AGAP1: variants seen among roughly 807,000 people sequenced by gnomAD.
AGAP1 encodes the protein arf-GAP with GTPase, ANK repeat and PH domain-containing protein 1.
Under a neutral mutation model 105.3 loss-of-function variants are expected in AGAP1, and 29 were observed. The ratio of observed to expected loss-of-function variants is 0.28; its 90% CI spans 0.21 to 0.38. The LOEUF is 0.38. AGAP1 is among the 10% of genes least tolerant of loss of function. The probability of loss-of-function intolerance (pLI) is 1.00; values close to 1 mark genes in which losing one functional copy is unlikely to be tolerated. For missense variants in AGAP1, 998 were observed against 1,165.1 expected (o/e 0.86, Z 2.09); for synonymous variants, 509 against 485.9 (o/e 1.05, Z -0.63).
In AGAP1 at chr2:236,000,771, C is replaced by T. The variant is rs535115564; in HGVS notation, c.1645+32148C>T. ...TAGAGATTGTGTTTGCAGTGAGGGC[C>T]ACTAAGGGGGGCGGAGAAGACCCCT... On this transcript the variant is annotated intron_variant, in intron 13 of 17. Transcript: ENST00000304032. This position sits in a 1 kb window ranked among gnomAD's most constrained non-coding sequence, Gnocchi z 4.3. 1.5e-4 allele frequency among the ~76,000 whole-genome samples: 23 copies of T among 152,266 alleles called. No homozygotes were observed. The highest frequency in any genetic ancestry group is 2.1e-4 in the South Asian group (1 of 4,820).
chr2:235,971,647 G>A lies in AGAP1; in HGVS notation c.1645+3024G>A, dbSNP rs1327110702. ...GGAGCTTGCAGTGAGCCGGGATGGCGCCACTGCGCTCCAGCCTGGGCGACA... is the reference window on the plus strand; with the variant it reads ...GGAGCTTGCAGTGAGCCGGGATGGCACCACTGCGCTCCAGCCTGGGCGACA... On this transcript the variant is annotated intron_variant, in intron 13 of 17. Coordinates refer to ENST00000304032, the MANE Select transcript of AGAP1 (RefSeq NM_001037131.3). This position sits in a 1 kb window ranked among gnomAD's most constrained non-coding sequence, Gnocchi z 4.8. 2.7e-5 allele frequency among the ~76,000 whole-genome samples: 4 copies of A among 150,862 alleles called. No individual in the cohort carries two copies. Among genetic ancestry groups the A allele is most frequent in the Admixed American group, 2.0e-4 (3 of 15,182 alleles).
In AGAP1 at chr2:235,605,315, G is replaced by T. The variant is rs536306735; in HGVS notation, c.164-103864G>T. 4.6e-5 allele frequency among the ~76,000 whole-genome samples: 7 copies of T among 152,324 alleles called. No individual in the cohort carries two copies. In the South Asian group the frequency reaches 1.5e-3, roughly 32 times the overall value. ...GCCCCTCATCTTCATTTATATTGTT[G>T]TTCTTAATTATCCCCATTTTACCGA... is the stretch of plus-strand genomic sequence containing the variant. On this transcript the variant is annotated intron_variant, in intron 1 of 17. Coordinates refer to ENST00000304032, the MANE Select transcript of AGAP1 (RefSeq NM_001037131.3).
chr2:235,984,680 C>T (rs903642523), intron 13 of AGAP1, among the ~76,000 whole-genome samples: 7 of 152,176 alleles, frequency 4.6e-5, no homozygotes, highest in Non-Finnish European at 7.4e-5. Context: ...TCAATTCCCA[C>T]TTATGAGTGA....
chr2:235,775,622 C>T (rs1955800861), intron 6 of AGAP1: 1 of 152,118 alleles, frequency 6.6e-6, no homozygotes, highest in South Asian at 2.1e-4. Flanking sequence ...TTCCTCCCAC[C>T]CCGCCCCGAG....
rs758294137 is a variant in AGAP1 at position 235,635,082 on chromosome 2, C to G, written c.164-74097C>G. 4.6e-5 allele frequency among the ~76,000 whole-genome samples: 7 copies of G among 152,136 alleles called. No individual in the cohort carries two copies. Among genetic ancestry groups the G allele is most frequent in the Non-Finnish European group, 7.3e-5 (5 of 68,028 alleles). ...CCTCTGAAGCGTGAATGTTTCCTCT[C>G]CAGTTGGGAATCTCCTGCCTCAGGA... On this transcript the variant is annotated intron_variant, in intron 1 of 17. Transcript: ENST00000304032. This position sits in a 1 kb window ranked among gnomAD's most constrained non-coding sequence, Gnocchi z 5.3.
At chr2:235,918,717 T>C (rs147545669) in intron 11 of AGAP1, among the ~76,000 whole-genome samples, 53 of 152,308 alleles carry the variant, frequency 3.5e-4, no homozygotes, top group African/African-American at 1.2e-3. Flanking sequence ...TTACCCATCA[T>C]GTTAAATGTA....
At position 235,633,477 on chromosome 2, in the gene AGAP1, C is replaced by T. The variant is rs1475167480; in HGVS notation, c.164-75702C>T. On this transcript the variant is annotated intron_variant, in intron 1 of 17. Coordinates refer to ENST00000304032, the MANE Select transcript of AGAP1 (RefSeq NM_001037131.3). The surrounding 1 kb of genome is among the most constrained non-coding windows in gnomAD (Gnocchi z 4.8). ...GGCATGGTGGCGGGCTCCTGTAATT[C>T]CAGCTACTCGGGGGCTAAAGCAGGA... Among the ~76,000 whole-genome samples, 1 of 152,126 alleles carries T rather than the reference C, an allele frequency of 6.6e-6. No homozygotes were observed. The highest frequency in any genetic ancestry group is 1.5e-5 in the Non-Finnish European group (1 of 68,024).
intron 13 of AGAP1, among the ~76,000 whole-genome samples, chr2:236,032,983 T>C (rs996924806): frequency 6.6e-6 from 1 of 152,206 alleles, no homozygotes; most frequent in African/African-American, 2.4e-5. Flanking sequence ...CAGTGACTTA[T>C]GCCTGTAATC....
Position 235,958,061 on chromosome 2 carries a change from C to CT in AGAP1, c.1484-10394dup, listed in dbSNP as rs907965408. 6.6e-6 allele frequency among the ~76,000 whole-genome samples: 1 copy of CT among 152,276 alleles called. No individual in the cohort carries two copies. The highest frequency in any genetic ancestry group is 1.9e-4 in the East Asian group (1 of 5,192). On this transcript the variant is annotated intron_variant, in intron 12 of 17. Coordinates refer to ENST00000304032, the MANE Select transcript of AGAP1 (RefSeq NM_001037131.3). This position sits in a 1 kb window ranked among gnomAD's most constrained non-coding sequence, Gnocchi z 4.1. Reference sequence around the variant, plus strand: ...TCTCTTTTCTTTTGTCTTTCTTTTCCTTTTTTTCCATATAGATGCATGCTT... The same window carrying CT: ...TCTCTTTTCTTTTGTCTTTCTTTTCCTTTTTTTTCCATATAGATGCATGCTT...
At chr2:235,909,529 T>G (rs533172797) in intron 11 of AGAP1, among the ~76,000 whole-genome samples, 1 of 152,326 alleles carries the variant, frequency 6.6e-6, no homozygotes, top group South Asian at 2.1e-4. Flanking sequence ...ATTTACGTTT[T>G]TGCAAATAAT....
chr2:235,505,955 G>A (rs919852997), intron 1 of AGAP1, among the ~76,000 whole-genome samples: 4 of 141,412 alleles, frequency 2.8e-5, no homozygotes, highest in Non-Finnish European at 4.5e-5. Flanking sequence ...TTTTAAGACG[G>A]AATCTTGCTC....
intron 1 of AGAP1, among the ~76,000 whole-genome samples, chr2:235,627,137 A>G (rs925151019): frequency 2.0e-5 from 3 of 151,408 alleles, no homozygotes; most frequent in African/African-American, 7.3e-5. Flanking sequence ...CTATCTTATA[A>G]AGGGGAGTGG....
chr2:235,717,769 T>TA (rs1342492022), intron 3 of AGAP1, 125 bp downstream of exon 3: 1 of 790,320 alleles, frequency 1.3e-6, no homozygotes, highest in African/African-American at 1.8e-5. Flanking sequence ...TACCAAGCGG[T>TA]AAAAACCCTT....
In AGAP1 at chr2:235,927,142, A is replaced by G. The variant is rs915649582; in HGVS notation, c.1325-3623A>G. 6.6e-6 allele frequency among the ~76,000 whole-genome samples: 1 copy of G among 152,118 alleles called. No individual in the cohort carries two copies. The highest frequency in any genetic ancestry group is 1.5e-5 in the Non-Finnish European group (1 of 68,018). ...TCATGCTGTTTCAGTGTAGTCCCGC[A>G]GTGGGAAGTGGGTGTGGCTGGGGCT... On this transcript the variant is annotated intron_variant, in intron 11 of 17. Transcript: ENST00000304032. The surrounding 1 kb of genome is among the most constrained non-coding windows in gnomAD (Gnocchi z 4.4).
At chr2:235,917,668 G>A (rs980997374) in intron 11 of AGAP1, among the ~76,000 whole-genome samples, 1 of 152,136 alleles carries the variant, frequency 6.6e-6, no homozygotes, top group Non-Finnish European at 1.5e-5. Flanking sequence ...ATGAGGCACC[G>A]GCGGCTCTGT....
At chr2:236,007,000 T>G (rs1266085618) in intron 13 of AGAP1, among the ~76,000 whole-genome samples, 2 of 152,196 alleles carry the variant, frequency 1.3e-5, no homozygotes, top group South Asian at 2.1e-4. Flanking sequence ...GTTTACTCAT[T>G]GACAGTAACC....
chr2:236,091,420 A>G (rs1164925364), intron 16 of AGAP1, among the ~76,000 whole-genome samples: 1 of 152,220 alleles, frequency 6.6e-6, no homozygotes, highest in East Asian at 1.9e-4. Flanking sequence ...TTATAAAACT[A>G]AACGTGCACC....
chr2:236,103,664 G>C (rs1018338964), intron 16 of AGAP1, among the ~76,000 whole-genome samples: 6 of 151,766 alleles, frequency 4.0e-5, no homozygotes, highest in Admixed American at 6.6e-5. Context: ...CCACCTCCTG[G>C]GTTCAAGCAG....
At chr2:235,704,962 C>CT (rs796721149) in intron 1 of AGAP1, among the ~76,000 whole-genome samples, 76 of 86,036 alleles carry the variant, frequency 8.8e-4, no homozygotes, top group Non-Finnish European at 1.1e-3. Flanking sequence ...ATACAAGATG[C>CT]TTTTTTCTTT....
Sources: gnomAD v4.1 joint callset for allele counts (sites outside exome capture counted in the v4.1 genomes callset) on GRCh38, gnomAD v4.1.1 for gene constraint, Gnocchi (gnomAD v3.1) non-coding constraint, MANE v1.5 for transcripts, NCBI Gene and HGNC (gene_info 2026-07-23, HGNC 2026-07-21) for gene names.